Variants in HSPA12A observed in about 807,000 individuals in gnomAD.
The protein encoded by HSPA12A is heat shock protein family A (Hsp70) member 12A.
Under a neutral mutation model 69.2 loss-of-function variants are expected in HSPA12A, and 28 were observed. That is an observed-to-expected ratio of 0.40 (90% CI 0.30 to 0.55). HSPA12A has a LOEUF of 0.55. Among genes scored for constraint, HSPA12A ranks in the 20% least tolerant of loss-of-function variants. HSPA12A has a pLI of 0.38. For missense variants in HSPA12A, 686 were observed against 900.7 expected, an observed-to-expected ratio of 0.76 and a Z score of 3.05; for synonymous variants, 345 against 370.5, an observed-to-expected ratio of 0.93 and a Z score of 0.79.
At position 116,683,895 on chromosome 10, in the gene HSPA12A, A is replaced by T. The variant is rs1564775839; in HGVS notation, c.731T>A (p.Ile244Asn). The T allele has an allele frequency of 6.3e-7, 1 of 1,596,290 alleles. No homozygotes were observed. The highest frequency in any genetic ancestry group is 2.3e-5 in the East Asian group (1 of 44,340). The change falls in exon 7 of 12, where the codon ATC becomes AAC. Residue 244 changes from isoleucine (I) to asparagine (N), a missense_variant. Ile to Asn is a moderately radical substitution (Grantham distance 149, BLOSUM62 -3). Transcript: ENST00000369209. ...GTGTAGCCGCAGCTTTCGGCAGTAG[A>T]TAGAGGCTGCCTCAGGCTCCAAGGC... ...IIALEPEAAS[I>N]YCRKLRLHQM...
Position 116,686,301 on chromosome 10 carries a change from C to T in HSPA12A, c.664-2339G>A, listed in dbSNP as rs148026188. On this transcript the variant is annotated intron_variant, in intron 6 of 11. Transcript: ENST00000369209. This position sits in a 1 kb window ranked among gnomAD's most constrained non-coding sequence, Gnocchi z 4.1. ...AAATAAGACCAAGAGGGGCCCCTTC[C>T]GAGGGACAGCTCCTGTGCTGATTCT... 4.6e-5 allele frequency among the ~76,000 whole-genome samples: 7 copies of T among 152,226 alleles called. No individual in the cohort carries two copies. In the East Asian group the frequency reaches 7.7e-4, roughly 17 times the overall value.
At position 116,807,451 on chromosome 10, in the gene HSPA12A, G is replaced by A. The variant is rs111495312; in HGVS notation, c.91+27484C>T. On this transcript the variant is annotated intron_variant, in intron 2 of 12. Coordinates refer to the HSPA12A transcript ENST00000635765. ...GCTCATACCTTTGTAAACAGTCCCC[G>A]TATCCAAACATCCTCGAGTTAACTG... is the stretch of plus-strand genomic sequence containing the variant. 2.9e-3 allele frequency among the ~76,000 whole-genome samples: 444 copies of A among 152,112 alleles called. 2 individuals carry two copies. The highest frequency in any genetic ancestry group is 9.8e-3 in the African/African-American group (405 of 41,514).
intron 2 of HSPA12A, among the ~76,000 whole-genome samples, chr10:116,801,705 T>A (rs1205911095): frequency 1.3e-5 from 2 of 151,804 alleles, no homozygotes; most frequent in African/African-American, 4.8e-5. Context: ...GTGGCAAATT[T>A]ATACACGTCA....
At chr10:116,725,999 C>T (rs898119489) in intron 1 of HSPA12A, among the ~76,000 whole-genome samples, 13 of 140,140 alleles carry the variant, frequency 9.3e-5, no homozygotes, top group African/African-American at 3.2e-4. Context: ...ATTCATTCAA[C>T]ATACAAGGTT....
chr10:116,750,450 A>AT, intron 2 of HSPA12A: 1 of 574,144 alleles, frequency 1.7e-6, no homozygotes, highest in South Asian at 1.9e-5. Flanking sequence ...CCTGGTTATG[A>AT]TTTTGAAAAC....
rs184145357 is a variant in HSPA12A, at chr10:116,710,879, A to G, written c.41-3594T>C. ...CTACTTCACTACTTAGGATGTCAAA[A>G]TGATGCTCAAAAATTCTCAGGGGAA... On this transcript the variant is annotated intron_variant, in intron 1 of 11. Transcript: ENST00000369209. The surrounding 1 kb of genome is among the most constrained non-coding windows in gnomAD (Gnocchi z 4.1). Among the ~76,000 whole-genome samples, 2 of 152,300 alleles carry G rather than the reference A, an allele frequency of 1.3e-5. No homozygotes were observed. The highest frequency in any genetic ancestry group is 3.4e-3 in the Middle Eastern group (1 of 294).
upstream of HSPA12A, among the ~76,000 whole-genome samples, chr10:116,745,212 C>A (rs1851622036): frequency 6.6e-6 from 1 of 152,234 alleles, no homozygotes; most frequent in South Asian, 2.1e-4. Context: ...TAGAACAGCG[C>A]CTGGTACATG....
At chr10:116,683,557 G>T in intron 7 of HSPA12A, 1 of 373,884 alleles carries the variant, frequency 2.7e-6, no homozygotes, top group Non-Finnish European at 4.8e-6. Flanking sequence ...GAAGCTCCCC[G>T]CCCCCAGACA....
At chr10:116,734,678 TATTAGCCTTC>T (rs1450723019) in intron 1 of HSPA12A, among the ~76,000 whole-genome samples, 1 of 149,406 alleles carries the variant, frequency 6.7e-6, no homozygotes, top group East Asian at 2.0e-4. Context: ...TTTTTTCATA[TATTAGCCTTC>T]AATCATGAAA....
intron 2 of HSPA12A, among the ~76,000 whole-genome samples, chr10:116,799,886 T>TA (rs1255385763): frequency 1.3e-5 from 2 of 151,980 alleles, no homozygotes; most frequent in African/African-American, 4.8e-5. Context: ...CTGGTAATAA[T>TA]ACAGCAGTGA....
intron 2 of HSPA12A, among the ~76,000 whole-genome samples, chr10:116,825,389 T>C (rs1160596367): frequency 3.3e-5 from 5 of 151,952 alleles, no homozygotes; most frequent in Admixed American, 6.5e-5. Flanking sequence ...CTCGTGCCTG[T>C]AGTCTCAGCT....
At chr10:116,754,483 A>T (rs1245969255) in intron 2 of HSPA12A, among the ~76,000 whole-genome samples, 2 of 152,228 alleles carry the variant, frequency 1.3e-5, no homozygotes, top group African/African-American at 4.8e-5. Flanking sequence ...TCTGGTTTTT[A>T]GAAACTAAGA....
rs544422014 is a variant in HSPA12A, at chr10:116,788,292, G to GC, written c.91+46642dup. Among the ~76,000 whole-genome samples, 17 of 152,258 alleles carry GC rather than the reference G, an allele frequency of 1.1e-4. No individual in the cohort carries two copies. The South Asian group carries it at 3.5e-3, about 32-fold the overall frequency. On this transcript the variant is annotated intron_variant, in intron 2 of 12. Coordinates refer to the HSPA12A transcript ENST00000635765. The stretch of plus-strand genomic sequence containing the variant: ...CGCCCAGGTCCATAGGCGGGCCCAC[G>GC]CTTGAGTGTTCCAAACGGGAGAAGA...
rs575060028 is a variant in HSPA12A at position 116,760,032 on chromosome 10, G to A, written c.92-52747C>T. 2.0e-5 allele frequency among the ~76,000 whole-genome samples: 3 copies of A among 152,152 alleles called. No individual in the cohort carries two copies. In the South Asian group the frequency reaches 6.3e-4, roughly 32 times the overall value. Reference sequence around the variant, plus strand: ...TTCTTTTGTAAATTGCCCAGTCTTGGGTATATCTTTATCAGCAGTATGAAA... The same window carrying A: ...TTCTTTTGTAAATTGCCCAGTCTTGAGTATATCTTTATCAGCAGTATGAAA... On this transcript the variant is annotated intron_variant, in intron 2 of 12. Coordinates refer to the HSPA12A transcript ENST00000635765.
intron 6 of HSPA12A, among the ~76,000 whole-genome samples, chr10:116,688,018 A>G (rs1849626662): frequency 6.6e-6 from 1 of 152,072 alleles, no homozygotes; most frequent in South Asian, 2.1e-4. Context: ...CTCATCAGCT[A>G]TCATTAGTGT....
At chr10:116,694,529 C>A (rs901361086) in intron 5 of HSPA12A, among the ~76,000 whole-genome samples, 3 of 152,200 alleles carry the variant, frequency 2.0e-5, no homozygotes, top group Non-Finnish European at 4.4e-5. Flanking sequence ...CTTCTGGGGC[C>A]GTTCCCTCCA....
intron 2 of HSPA12A, among the ~76,000 whole-genome samples, chr10:116,811,570 T>C (rs969710323): frequency 2.9e-5 from 4 of 140,076 alleles, no homozygotes; most frequent in Non-Finnish European, 6.1e-5. Flanking sequence ...GATTCCTCTT[T>C]GCTTTTGTTA....
chr10:116,849,819 C>T (rs1042947981), upstream of HSPA12A: 50 of 1,395,326 alleles, frequency 3.6e-5, no homozygotes, highest in Admixed American at 1.0e-4. Flanking sequence ...GCGCCTGCGC[C>T]TCAGAATCTC....
At chr10:116,681,105 C>T in intron 9 of HSPA12A, 47 bp downstream of exon 9, 1 of 1,288,172 alleles carries the variant, frequency 7.8e-7, no homozygotes, top group Non-Finnish European at 1.1e-6. Flanking sequence ...AACAGAACTG[C>T]CTGGAATTGG....
Sources: gnomAD v4.1 joint callset for allele counts (sites outside exome capture counted in the v4.1 genomes callset) on GRCh38, gnomAD v4.1.1 for gene constraint, Gnocchi (gnomAD v3.1) non-coding constraint, MANE v1.5 for transcripts, NCBI Gene and HGNC (gene_info 2026-07-23, HGNC 2026-07-21) for gene names.